Variants in LDB2 observed in about 807,000 individuals in gnomAD.
LDB2 encodes LIM domain binding 2.
Under a neutral mutation model 44.3 loss-of-function variants are expected in LDB2, and 12 were observed. That is an observed-to-expected ratio of 0.27 (90% CI 0.17 to 0.44). The LOEUF is 0.44. LDB2 is among the 20% of genes least tolerant of loss of function. LDB2 has a pLI of 1.00. For synonymous variants in LDB2, 164 were observed against 174.8 expected, an observed-to-expected ratio of 0.94 and a Z score of 0.49; for missense variants, 344 against 473.5, an observed-to-expected ratio of 0.73 and a Z score of 2.54.
At chr4:16,568,027 G>C (rs1396470167) in intron 5 of LDB2, among the ~76,000 whole-genome samples, 1 of 152,064 alleles carries the variant, frequency 6.6e-6, no homozygotes, top group Non-Finnish European at 1.5e-5. Flanking sequence ...GCCTGTTTTG[G>C]ATAAAGGATC....
intron 2 of LDB2, among the ~76,000 whole-genome samples, chr4:16,757,550 G>A (rs1432223322): frequency 6.6e-6 from 1 of 152,152 alleles, no homozygotes; most frequent in African/African-American, 2.4e-5. Context: ...TCCCTGAGCA[G>A]TCCCTGATGG....
At chr4:16,821,118 T>G (rs1781881680) in intron 1 of LDB2, among the ~76,000 whole-genome samples, 1 of 152,216 alleles carries the variant, frequency 6.6e-6, no homozygotes, top group South Asian at 2.1e-4. Context: ...GAGCTAATTT[T>G]CTGCAAAATA....
chr4:16,642,555 A>C (rs1318420647), intron 2 of LDB2, among the ~76,000 whole-genome samples: 1 of 152,228 alleles, frequency 6.6e-6, no homozygotes, highest in African/African-American at 2.4e-5. Context: ...TGAAGGAACA[A>C]GATAACATTA....
chr4:16,772,289 G>A (rs1410202653), intron 1 of LDB2, among the ~76,000 whole-genome samples: 2 of 152,098 alleles, frequency 1.3e-5, no homozygotes, highest in African/African-American at 4.8e-5. Flanking sequence ...ACAAAAAATT[G>A]TGTTCATTGG....
intron 2 of LDB2, among the ~76,000 whole-genome samples, chr4:16,750,579 T>TC (rs1490795218): frequency 3.9e-5 from 6 of 151,954 alleles, no homozygotes; most frequent in Non-Finnish European, 5.9e-5. Flanking sequence ...TTAGTCTTTT[T>TC]TGTATCATGG....
In LDB2 at chr4:16,875,354, A is replaced by T. The variant is rs539098691; in HGVS notation, c.132+23000T>A. Among the ~76,000 whole-genome samples, 32 of 152,322 alleles carry T rather than the reference A, an allele frequency of 2.1e-4. 3 individuals carry two copies. The highest frequency in any genetic ancestry group is 7.5e-4 in the African/African-American group (31 of 41,576). The stretch of plus-strand genomic sequence containing the variant: ...TCAATTGAAAAATAAATTTTTAAAG[A>T]TTACCATGCTACTGGATAAAAAGCA... On this transcript the variant is annotated intron_variant, in intron 1 of 7. Coordinates refer to ENST00000304523, the MANE Select transcript of LDB2 (RefSeq NM_001290.5).
At chr4:16,807,161 G>A (rs555496259) in intron 1 of LDB2, among the ~76,000 whole-genome samples, 99 of 152,200 alleles carry the variant, frequency 6.5e-4, no homozygotes, top group Non-Finnish European at 1.2e-3. Context: ...TAATTTCATC[G>A]CCATCTCATC....
intron 2 of LDB2, among the ~76,000 whole-genome samples, chr4:16,740,085 T>C (rs2109007002): frequency 6.6e-6 from 1 of 152,098 alleles, no homozygotes; most frequent in East Asian, 1.9e-4. Context: ...ATTAATATGA[T>C]TAATGGAAGA....
At position 16,670,436 on chromosome 4, in the gene LDB2, T is replaced by G. The variant is rs915384758; in HGVS notation, c.236-74561A>C. On this transcript the variant is annotated intron_variant, in intron 2 of 7. Transcript: ENST00000304523. Reference sequence around the variant, plus strand: ...ATTAAGTCCCCACCACTGGGGTCATTGCTGGGCACTAGGCAACACTTCTCA... The same window carrying G: ...ATTAAGTCCCCACCACTGGGGTCATGGCTGGGCACTAGGCAACACTTCTCA... Among the ~76,000 whole-genome samples the G allele has an allele frequency of 2.6e-5, 4 of 152,326 alleles. No individual in the cohort carries two copies. The South Asian group carries it at 6.2e-4, about 24-fold the overall frequency.
intron 1 of LDB2, among the ~76,000 whole-genome samples, chr4:16,802,470 G>T (rs1203779429): frequency 6.6e-6 from 1 of 152,180 alleles, no homozygotes; most frequent in African/African-American, 2.4e-5. Context: ...TGTCCCATCA[G>T]AACTTCTTGC....
intron 2 of LDB2, among the ~76,000 whole-genome samples, chr4:16,622,287 G>T (rs1021163526): frequency 1.3e-5 from 2 of 152,144 alleles, no homozygotes; most frequent in South Asian, 4.1e-4. Context: ...CAAATAAAGA[G>T]AAAAACAAAA....
intron 2 of LDB2, among the ~76,000 whole-genome samples, chr4:16,756,638 C>T (rs1198246373): frequency 6.6e-6 from 1 of 152,036 alleles, no homozygotes; most frequent in East Asian, 1.9e-4. Flanking sequence ...CTCATTTATT[C>T]CTTCATTCAA....
intron 2 of LDB2, among the ~76,000 whole-genome samples, chr4:16,722,809 G>A (rs1758571912): frequency 6.6e-6 from 1 of 152,062 alleles, no homozygotes; most frequent in Non-Finnish European, 1.5e-5. Flanking sequence ...GGTTCTGAGG[G>A]TAGGGTCTGT....
At chr4:16,636,191 A>C (rs1733548644) in intron 2 of LDB2, among the ~76,000 whole-genome samples, 1 of 152,208 alleles carries the variant, frequency 6.6e-6, no homozygotes, top group Non-Finnish European at 1.5e-5. Flanking sequence ...AGAAACTGCT[A>C]AGGCTCAGGG....
chr4:16,860,140 G>C (rs1580291116), intron 1 of LDB2, among the ~76,000 whole-genome samples: 1 of 152,218 alleles, frequency 6.6e-6, no homozygotes, highest in East Asian at 1.9e-4. Context: ...TTTCTGCTGA[G>C]ACAAACATGG....
At chr4:16,723,180 C>G (rs1995614) in intron 2 of LDB2, among the ~76,000 whole-genome samples, 16,438 of 152,074 alleles carry the variant, frequency 0.11, 1,065 homozygotes, top group Admixed American at 0.17. Flanking sequence ...TTAGGATAAC[C>G]TAGCTCCCTG....
chr4:16,667,092 A>T (rs1743468404), intron 2 of LDB2, among the ~76,000 whole-genome samples: 1 of 152,164 alleles, frequency 6.6e-6, no homozygotes. Flanking sequence ...TTAAGAGGAT[A>T]AAGGAATGCA....
chr4:16,724,223 T>C (rs1396042989), intron 2 of LDB2, among the ~76,000 whole-genome samples: 1 of 152,084 alleles, frequency 6.6e-6, no homozygotes, highest in Non-Finnish European at 1.5e-5. Context: ...TCCCAAGGTC[T>C]GTTATATTTG....
At chr4:16,731,263 A>G (rs1301325328) in intron 2 of LDB2, among the ~76,000 whole-genome samples, 1 of 152,198 alleles carries the variant, frequency 6.6e-6, no homozygotes, top group African/African-American at 2.4e-5. Context: ...TTGAAATTAA[A>G]ACAGACAGCC....
Sources: gnomAD v4.1 joint callset for allele counts (sites outside exome capture counted in the v4.1 genomes callset) on GRCh38, gnomAD v4.1.1 for gene constraint, MANE v1.5 for transcripts, NCBI Gene and HGNC (gene_info 2026-07-23, HGNC 2026-07-21) for gene names.